Variants in TM4SF18 observed in about 807,000 individuals in gnomAD.
TM4SF18 encodes the protein transmembrane 4 L6 family member 18.
TM4SF18 carries 22 observed loss-of-function variants against 23.8 expected under a neutral mutation model. The observed-to-expected ratio is 0.92, with a 90% CI of 0.66 to 1.32. The LOEUF (loss-of-function observed/expected upper bound fraction) is 1.32. Among genes scored for constraint, TM4SF18 ranks in the 40% most tolerant of loss-of-function variants. TM4SF18 has a pLI of 0.00. For synonymous variants in TM4SF18, 87 were observed against 87.9 expected, an observed-to-expected ratio of 0.99 and a Z score of 0.06; for missense variants, 255 against 240.3, an observed-to-expected ratio of 1.06 and a Z score of -0.41.
rs1730756304 is a variant in TM4SF18, at chr3:149,319,548, A to T, written c.*1930T>A. On this transcript the variant is annotated 3_prime_UTR_variant, in exon 6 of 6. Coordinates refer to ENST00000296059, the MANE Select transcript of TM4SF18 (RefSeq NM_138786.4). ...GGATCGTTTTAGTTGCAATAAACAGAGCTGCACTGATTTAGTCGGGGGTTT... is the reference window on the plus strand; with the variant it reads ...GGATCGTTTTAGTTGCAATAAACAGTGCTGCACTGATTTAGTCGGGGGTTT... 2 of 152,262 alleles carry T rather than the reference A, an allele frequency of 1.3e-5. No homozygotes were observed. The highest frequency in any genetic ancestry group is 2.9e-5 in the Non-Finnish European group (2 of 68,078). The allele number at this position is 152,262 out of a possible 1,614,324, so 9.4% of individuals were successfully genotyped here. A position where few individuals can be genotyped will look rare whatever the true frequency, so the allele number is the denominator to read the frequency against.
At chr3:149,327,131 G>T (rs147251943) in intron 3 of TM4SF18, among the ~76,000 whole-genome samples, 1 of 152,168 alleles carries the variant, frequency 6.6e-6, no homozygotes, top group African/African-American at 2.4e-5. Context: ...TGTATTTTTA[G>T]TAGATATGGG....
rs1256264938 is a variant in TM4SF18, at chr3:149,321,369, C to T, written c.*109G>A. 2.5e-6 allele frequency: 2 copies of T among 802,854 alleles called. No individual in the cohort carries two copies. The highest frequency in any genetic ancestry group is 3.0e-5 in the Admixed American group (1 of 33,680). The allele number at this position is 802,854 out of a possible 1,614,324, so 49.7% of individuals were successfully genotyped here. On this transcript the variant is annotated 3_prime_UTR_variant, in exon 6 of 6. Transcript: ENST00000296059. Reference sequence around the variant, plus strand: ...ACTGCAAATTTTTTACAAATAAACACCAAATGCAGAAAGCACCATCATTTC... The same window carrying T: ...ACTGCAAATTTTTTACAAATAAACATCAAATGCAGAAAGCACCATCATTTC...
At chr3:149,326,038 T>C (rs1476392024) in intron 3 of TM4SF18, among the ~76,000 whole-genome samples, 1 of 152,184 alleles carries the variant, frequency 6.6e-6, no homozygotes, top group Non-Finnish European at 1.5e-5. Flanking sequence ...GTGTTTTTGT[T>C]ACTGAGCCAT....
chr3:149,329,156 T>TCACA (rs33985529), intron 3 of TM4SF18, among the ~76,000 whole-genome samples: 4,885 of 142,162 alleles, frequency 0.034, 93 homozygotes, highest in African/African-American at 0.052. Context: ...AGTCAACTGG[T>TCACA]CACACACACA....
Position 149,320,301 on chromosome 3 carries a change from G to GTGC in TM4SF18, c.*1174_*1176dup, listed in dbSNP as rs1730776521. 2 of 152,256 alleles carry GTGC rather than the reference G, an allele frequency of 1.3e-5. No homozygotes were observed. Among genetic ancestry groups the GTGC allele is most frequent in the Admixed American group, 1.3e-4 (2 of 15,288 alleles). 9.4% of individuals were successfully genotyped at this position (152,256 alleles called of 1,614,324 possible). ...ACTGAGTGCCTACTGGCTTCACTGT[G>GTGC]TGCTGGGTCCTATGCATGGTGGGAA... On this transcript the variant is annotated 3_prime_UTR_variant, in exon 6 of 6. Coordinates refer to ENST00000296059, the MANE Select transcript of TM4SF18 (RefSeq NM_138786.4).
At chr3:149,326,394 T>C (rs1221125635) in intron 3 of TM4SF18, among the ~76,000 whole-genome samples, 3 of 152,192 alleles carry the variant, frequency 2.0e-5, no homozygotes, top group Non-Finnish European at 2.9e-5. Context: ...CTAAGGGTGG[T>C]GCTAAGTTTG....
chr3:149,324,718 A>G, intron 4 of TM4SF18, 162 bp downstream of exon 4: 1 of 842,942 alleles, frequency 1.2e-6, no homozygotes, highest in Non-Finnish European at 1.8e-6. Flanking sequence ...AGATCTGTGC[A>G]AGAACAAATT....
Position 149,321,445 on chromosome 3 carries a change from A to T in TM4SF18, c.*33T>A, listed in dbSNP as rs1372585199. On this transcript the variant is annotated 3_prime_UTR_variant, in exon 6 of 6. Transcript: ENST00000296059. ...TGATATAATATTTAGATAGATGGCC[A>T]TGTCTTGATAATGGAAAACATTTTG... 1 of 1,514,152 alleles carries T rather than the reference A, an allele frequency of 6.6e-7. No homozygotes were observed. The highest frequency in any genetic ancestry group is 1.4e-5 in the African/African-American group (1 of 71,924). 93.8% of individuals were successfully genotyped at this position (1,514,152 alleles called of 1,614,324 possible). A position where few individuals can be genotyped will look rare whatever the true frequency, so the allele number is the denominator to read the frequency against.
chr3:149,328,356 G>T (rs1731004847), intron 3 of TM4SF18, among the ~76,000 whole-genome samples: 1 of 152,104 alleles, frequency 6.6e-6, no homozygotes, highest in South Asian at 2.1e-4. Context: ...TCATTCATGA[G>T]GGAAGAGCCA....
chr3:149,325,098 T>C, intron 3 of TM4SF18, 76 bp from the exon 4 acceptor site: 1 of 1,441,966 alleles, frequency 6.9e-7, no homozygotes, highest in Non-Finnish European at 9.5e-7. Context: ...ATCAGATAGC[T>C]ACATTCCCCT....
chr3:149,326,900 G>A (rs769135049), intron 3 of TM4SF18, among the ~76,000 whole-genome samples: 13 of 152,132 alleles, frequency 8.5e-5, no homozygotes, highest in African/African-American at 1.2e-4. Flanking sequence ...GGTTCATTTT[G>A]AGCTTACCCT....
intron 5 of TM4SF18, 62 bp from the exon 6 acceptor site, chr3:149,321,554 G>T: frequency 1.8e-6 from 2 of 1,133,582 alleles, no homozygotes; most frequent in South Asian, 1.5e-5. Context: ...TTAGTAATCC[G>T]TAATCCAGAT....
chr3:149,332,957 T>C (rs895378668), intron 2 of TM4SF18, among the ~76,000 whole-genome samples: 1 of 152,194 alleles, frequency 6.6e-6, no homozygotes, highest in African/African-American at 2.4e-5. Flanking sequence ...TACAGGCCAG[T>C]GTCCCACAGA....
At chr3:149,327,102 G>A (rs182235159) in intron 3 of TM4SF18, among the ~76,000 whole-genome samples, 16 of 152,124 alleles carry the variant, frequency 1.1e-4, no homozygotes, top group Admixed American at 2.0e-4. Flanking sequence ...GGCACGTGCC[G>A]CCACGCCTAG....
At chr3:149,321,700 C>T (rs1730812638) in intron 5 of TM4SF18, among the ~76,000 whole-genome samples, 1 of 152,180 alleles carries the variant, frequency 6.6e-6, no homozygotes, top group Non-Finnish European at 1.5e-5. Context: ...TTTTTCTTCA[C>T]TCTGGACTTC....
At position 149,318,888 on chromosome 3, in the gene TM4SF18, T is replaced by A. The variant is rs1235183338; in HGVS notation, c.*2590A>T. 1 of 152,256 alleles carries A rather than the reference T, an allele frequency of 6.6e-6. No homozygotes were observed. The highest frequency in any genetic ancestry group is 2.4e-5 in the African/African-American group (1 of 41,464). 9.4% of individuals were successfully genotyped at this position (152,256 alleles called of 1,614,324 possible). A position where few individuals can be genotyped will look rare whatever the true frequency, so the allele number is the denominator to read the frequency against. On this transcript the variant is annotated 3_prime_UTR_variant, in exon 6 of 6. Transcript: ENST00000296059. ...TGGGCTCAAACTGCATACATATATT[T>A]GGTTTTTGAGTTTTTTTTCCTTTTT...
chr3:149,323,268 A>G (rs1365619123), intron 4 of TM4SF18, among the ~76,000 whole-genome samples: 2 of 152,196 alleles, frequency 1.3e-5, no homozygotes, highest in Non-Finnish European at 2.9e-5. Flanking sequence ...TTTGGTAAGA[A>G]TGTGTATACA....
chr3:149,323,227 A>G (rs142824285), intron 4 of TM4SF18, among the ~76,000 whole-genome samples: 27 of 152,276 alleles, frequency 1.8e-4, no homozygotes, highest in African/African-American at 6.3e-4. Flanking sequence ...TAATGGGGTT[A>G]AAATATCTAA....
rs374999686 is a variant in TM4SF18 at position 149,324,964 on chromosome 3, A to T, written c.326T>A (p.Val109Asp). The T allele has an allele frequency of 4.9e-5, 79 of 1,614,092 alleles. No homozygotes were observed. The highest frequency in any genetic ancestry group is 6.6e-5 in the Non-Finnish European group (78 of 1,180,030). The change falls in exon 4 of 6, where the codon GTC becomes GAC. Residue 109 changes from valine (V) to aspartate (D), a missense_variant. Coordinates refer to ENST00000296059, the MANE Select transcript of TM4SF18 (RefSeq NM_138786.4). ...TTGGACAAGACCCAAGGCAGAGATG[A>T]CCAGGCAGTATCCAGAAAAAGCAAT... ...LGIAFSGYCL[V>D]ISALGLVQGP... is the part of the protein sequence containing the mutation.
Sources: gnomAD v4.1 joint callset for allele counts (sites outside exome capture counted in the v4.1 genomes callset) on GRCh38, gnomAD v4.1.1 for gene constraint, MANE v1.5 for transcripts, NCBI Gene and HGNC (gene_info 2026-07-23, HGNC 2026-07-21) for gene names.